Variants in ZFPM2 observed in about 807,000 individuals in gnomAD.
ZFPM2 encodes zinc finger protein ZFPM2.
ZFPM2 carries 20 observed loss-of-function variants against 98.6 expected under a neutral mutation model. That is an observed-to-expected ratio of 0.20 (90% confidence interval 0.14 to 0.29). The LOEUF (loss-of-function observed/expected upper bound fraction) is 0.29, where lower values mean the gene tolerates loss of function less well. Among genes scored for constraint, ZFPM2 ranks in the 10% least tolerant of loss-of-function variants. The probability of loss-of-function intolerance (pLI) is 1.00; values close to 1 mark genes in which losing one functional copy is unlikely to be tolerated. For synonymous variants in ZFPM2, 518 were observed against 502.7 expected (o/e 1.03, Z -0.41); for missense variants, 1,310 against 1,388.6 (o/e 0.94, Z 0.90).
Position 105,561,308 on chromosome 8 carries a change from G to A in ZFPM2, c.302-55G>A, listed in dbSNP as rs1022157106. 4.2e-5 allele frequency: 56 copies of A among 1,336,868 alleles called. No individual in the cohort carries two copies. The African/African-American group carries it at 7.6e-4, about 18-fold the overall frequency. The allele number at this position is 1,336,868 out of a possible 1,614,324, so 82.8% of individuals were successfully genotyped here. ...TAAAGCAAACACACAAAAAGAGGTGGCTGCTGATAAAGTACAAGTAAGTAT... is the reference window on the plus strand; with the variant it reads ...TAAAGCAAACACACAAAAAGAGGTGACTGCTGATAAAGTACAAGTAAGTAT... On this transcript the variant is annotated intron_variant, in intron 3 of 7. Coordinates refer to ENST00000407775, the MANE Select transcript of ZFPM2 (RefSeq NM_012082.4).
At chr8:105,458,343 T>C (rs1349414303) in intron 3 of ZFPM2, among the ~76,000 whole-genome samples, 1 of 152,192 alleles carries the variant, frequency 6.6e-6, no homozygotes, top group Admixed American at 6.5e-5. Context: ...TCCTTTTTGT[T>C]TTCATGGCAG....
intron 1 of ZFPM2, among the ~76,000 whole-genome samples, chr8:105,326,088 A>C (rs1812110284): frequency 6.6e-6 from 1 of 151,704 alleles, no homozygotes; most frequent in Non-Finnish European, 1.5e-5. Context: ...GTGTAGTTTC[A>C]AGTCCAAGAA....
intron 6 of ZFPM2, among the ~76,000 whole-genome samples, chr8:105,791,797 C>T (rs1366353617): frequency 6.6e-6 from 1 of 152,146 alleles, no homozygotes; most frequent in African/African-American, 2.4e-5. Flanking sequence ...AGAGATTCAA[C>T]TTCTTCCTGG....
In ZFPM2 at chr8:105,565,923, G is replaced by T. The variant is rs1480545117; in HGVS notation, c.420+4442G>T. Among the ~76,000 whole-genome samples, 5 of 152,278 alleles carry T rather than the reference G, an allele frequency of 3.3e-5. No individual in the cohort carries two copies. The East Asian group carries it at 9.7e-4, about 29-fold the overall frequency. On this transcript the variant is annotated intron_variant, in intron 4 of 7. Transcript: ENST00000407775. Reference sequence around the variant, plus strand: ...GCCAGAGATTTGTTATAAGGAATTGGCTTGTCCAGTTATGACGGCTGGGAA... The same window carrying T: ...GCCAGAGATTTGTTATAAGGAATTGTCTTGTCCAGTTATGACGGCTGGGAA...
intron 5 of ZFPM2, among the ~76,000 whole-genome samples, chr8:105,641,087 A>G (rs1032766559): frequency 1.3e-5 from 2 of 152,042 alleles, no homozygotes; most frequent in Admixed American, 6.6e-5. Flanking sequence ...ATTATCTGTT[A>G]TCAGGAATAC....
At position 105,324,315 on chromosome 8, in the gene ZFPM2, ATAT is replaced by A. The variant is rs1406931212; in HGVS notation, c.40+5341_40+5343del. 4.6e-5 allele frequency among the ~76,000 whole-genome samples: 7 copies of A among 151,920 alleles called. No individual in the cohort carries two copies. The East Asian group carries it at 1.4e-3, about 29-fold the overall frequency. Reference sequence around the variant, plus strand: ...GTTTTGCCTATATCTATATGTATCCATATTATTATAGTAATGTCCATTAAGTTA... The same window carrying A: ...GTTTTGCCTATATCTATATGTATCCATATTATAGTAATGTCCATTAAGTTA... On this transcript the variant is annotated intron_variant, in intron 1 of 7. Coordinates refer to ENST00000407775, the MANE Select transcript of ZFPM2 (RefSeq NM_012082.4).
chr8:105,525,277 G>A (rs952659727), intron 3 of ZFPM2, among the ~76,000 whole-genome samples: 1 of 152,126 alleles, frequency 6.6e-6, no homozygotes, highest in Non-Finnish European at 1.5e-5. Flanking sequence ...GTTGCCATCG[G>A]CACAGTTACT....
At chr8:105,607,114 C>A (rs1816212466) in intron 4 of ZFPM2, among the ~76,000 whole-genome samples, 1 of 152,054 alleles carries the variant, frequency 6.6e-6, no homozygotes, top group Admixed American at 6.6e-5. Flanking sequence ...ATTATTTGAT[C>A]CTCTCTCCTC....
At chr8:105,578,156 T>C (rs1425969834) in intron 4 of ZFPM2, among the ~76,000 whole-genome samples, 1 of 152,122 alleles carries the variant, frequency 6.6e-6, no homozygotes, top group Non-Finnish European at 1.5e-5. Context: ...TGTTTCTCCT[T>C]AGCTACTGAG....
chr8:105,476,506 G>A (rs139547814), intron 3 of ZFPM2, among the ~76,000 whole-genome samples: 188 of 152,142 alleles, frequency 1.2e-3, no homozygotes, highest in African/African-American at 4.0e-3. Flanking sequence ...AAACCAGCAC[G>A]AAATTTGCCA....
rs141238169 is a variant in ZFPM2, at chr8:105,801,096, C to G, written c.1014C>G (p.Thr338=). 3 of 1,613,804 alleles carry G rather than the reference C, an allele frequency of 1.9e-6. No homozygotes were observed. The East Asian group carries it at 6.7e-5, about 36-fold the overall frequency. ...FLPPGASLKC[T]VCSYTADSVI... ...CCCCTGGTGCTAGTCTAAAATGCAC[C>G]GTCTGTAGCTACACTGCTGATTCCG... The change falls in exon 8 of 8, where the codon ACC becomes ACG. Residue 338 remains threonine (T), a synonymous_variant. Transcript: ENST00000407775.
intron 5 of ZFPM2, among the ~76,000 whole-genome samples, chr8:105,693,813 ATC>A (rs1446787489): frequency 6.6e-6 from 1 of 152,048 alleles, no homozygotes; most frequent in Non-Finnish European, 1.5e-5. Context: ...TACATGTGAT[ATC>A]TCTCTGTAGT....
intron 3 of ZFPM2, among the ~76,000 whole-genome samples, chr8:105,506,599 C>G (rs1399523895): frequency 1.3e-5 from 2 of 152,082 alleles, no homozygotes; most frequent in Non-Finnish European, 2.9e-5. Flanking sequence ...AATAAAATTG[C>G]ATTCATGGTG....
At chr8:105,578,346 C>T (rs1815513027) in intron 4 of ZFPM2, among the ~76,000 whole-genome samples, 1 of 152,056 alleles carries the variant, frequency 6.6e-6, no homozygotes, top group Non-Finnish European at 1.5e-5. Flanking sequence ...AGCAAAAGTA[C>T]AGACTATTTT....
chr8:105,594,512 T>C (rs1368594003), intron 4 of ZFPM2, among the ~76,000 whole-genome samples: 2 of 152,148 alleles, frequency 1.3e-5, no homozygotes, highest in Admixed American at 1.3e-4. Context: ...AAAGCCTAAA[T>C]ATTAATAGTA....
At chr8:105,441,250 T>A (rs1489132769) in intron 2 of ZFPM2, among the ~76,000 whole-genome samples, 1 of 151,718 alleles carries the variant, frequency 6.6e-6, no homozygotes, top group Non-Finnish European at 1.5e-5. Flanking sequence ...CTTAATTGTG[T>A]TTTTATTTTC....
rs139182826 is a variant in ZFPM2, at chr8:105,403,838, G to T, written c.41-15306G>T. Among the ~76,000 whole-genome samples, 598 of 152,004 alleles carry T rather than the reference G, an allele frequency of 3.9e-3. 3 individuals carry two copies. The highest frequency in any genetic ancestry group is 0.013 in the African/African-American group (555 of 41,472). On this transcript the variant is annotated intron_variant, in intron 1 of 7. Coordinates refer to ENST00000407775, the MANE Select transcript of ZFPM2 (RefSeq NM_012082.4). ...CGTGCAGCGTCTAGCGTGATTCCTG[G>T]CCAGGCACAGATAGATACTCAGTTC...
chr8:105,403,763 C>T (rs1274096509), intron 1 of ZFPM2, among the ~76,000 whole-genome samples: 5 of 151,816 alleles, frequency 3.3e-5, no homozygotes, highest in Admixed American at 6.6e-5. Flanking sequence ...TCTTGGTTGC[C>T]GGTTATTTCT....
Position 105,803,530 on chromosome 8 carries a change from G to A in ZFPM2, c.3448G>A (p.Val1150Ile). Residue 1150 changes from valine (V) to isoleucine (I), a missense_variant, in exon 8 of 8, where the codon GTC (valine) becomes ATC (isoleucine). Transcript: ENST00000407775. ...TTGCTCATCACATGCAGCAGAACAT[G>A]TCAAATGAACTAACTAAACATCAGT... ...FYCSSHAAEH[V>I]K is the part of the protein sequence containing the mutation. The A allele has an allele frequency of 6.2e-7, 1 of 1,606,620 alleles. No homozygotes were observed. The highest frequency in any genetic ancestry group is 8.5e-7 in the Non-Finnish European group (1 of 1,175,984).
Sources: allele counts gnomAD v4.1 joint callset (sites outside exome capture counted in the v4.1 genomes callset), GRCh38; gene constraint gnomAD v4.1.1; transcripts MANE v1.5; gene names NCBI Gene and HGNC (gene_info 2026-07-23, HGNC 2026-07-21).